AKAP12: variants seen among roughly 807,000 people sequenced by gnomAD.
AKAP12 encodes A-kinase anchor protein 12.
Under a neutral mutation model 79.9 loss-of-function variants are expected in AKAP12, and 32 were observed. That is an observed-to-expected ratio of 0.40 (90% CI 0.30 to 0.54). The LOEUF is 0.54. Ranked by LOEUF, AKAP12 falls within the 20% of genes least tolerant of loss-of-function variation. The pLI, the probability that AKAP12 is intolerant of heterozygous loss-of-function variation, is 0.48. For missense variants in AKAP12, 2,074 were observed against 2,177.0 expected (o/e 0.95, Z 0.94); for synonymous variants, 808 against 857.0 (o/e 0.94, Z 1.00).
At chr6:151,261,036 C>T (rs1182452587) in intron 2 of AKAP12, among the ~76,000 whole-genome samples, 1 of 151,994 alleles carries the variant, frequency 6.6e-6, no homozygotes, top group Non-Finnish European at 1.5e-5. Context: ...CCAGCATGCA[C>T]CTGTGCATTC....
chr6:151,273,927 A>G (rs1232222078), intron 2 of AKAP12, among the ~76,000 whole-genome samples: 1 of 152,006 alleles, frequency 6.6e-6, no homozygotes, highest in East Asian at 1.9e-4. Context: ...TACTCGGGAA[A>G]CTGAGGCAGG....
At chr6:151,333,404 A>G (rs530534535) in intron 3 of AKAP12, among the ~76,000 whole-genome samples, 38 of 152,228 alleles carry the variant, frequency 2.5e-4, no homozygotes, top group Non-Finnish European at 4.1e-4. Context: ...CGCTGTGTTC[A>G]CTAAGCTACA....
chr6:151,350,236 G>C lies in AKAP12; in HGVS notation c.1845G>C (p.Lys615Asn). Residue 615 changes from lysine (K) to asparagine (N), a missense_variant, in exon 4 of 5, where the codon AAG (lysine) becomes AAC (asparagine). Coordinates refer to ENST00000402676, the MANE Select transcript of AKAP12 (RefSeq NM_005100.4). The surrounding 1 kb of genome is among the most constrained non-coding windows in gnomAD (Gnocchi z 4.8). ...TCACTCCCTGGGCATCATTCAAAAA[G>C]ATGGTGACGCCCAAGAAGCGTGTTA... Reference protein sequence around the residue: ...EGVTPWASFKKMVTPKKRVRR... With the variant: ...EGVTPWASFKNMVTPKKRVRR... The C allele has an allele frequency of 2.5e-6, 4 of 1,614,080 alleles. No homozygotes were observed. Among genetic ancestry groups the C allele is most frequent in the Non-Finnish European group, 3.4e-6 (4 of 1,180,014 alleles).
At chr6:151,268,546 G>A (rs1156662576) in intron 2 of AKAP12, among the ~76,000 whole-genome samples, 1 of 152,222 alleles carries the variant, frequency 6.6e-6, no homozygotes, top group African/African-American at 2.4e-5. Context: ...TACAAGGGAA[G>A]ATAAGACTTC....
intron 2 of AKAP12, among the ~76,000 whole-genome samples, chr6:151,263,871 G>A (rs1392883993): frequency 1.3e-5 from 2 of 152,182 alleles, no homozygotes; most frequent in Admixed American, 1.3e-4. Context: ...GAGCCAACAC[G>A]CCCAGCTCTT....
At chr6:151,280,030 C>T (rs947877167) in intron 2 of AKAP12, among the ~76,000 whole-genome samples, 37 of 134,274 alleles carry the variant, frequency 2.8e-4, no homozygotes, top group Admixed American at 2.1e-3. Flanking sequence ...CATATCCTTT[C>T]GGTTGTTGTT....
At chr6:151,295,975 G>GT (rs1430618583) in intron 2 of AKAP12, among the ~76,000 whole-genome samples, 1 of 152,224 alleles carries the variant, frequency 6.6e-6, no homozygotes, top group African/African-American at 2.4e-5. Flanking sequence ...TCACCAAGCA[G>GT]TAAGGGAACT....
chr6:151,336,485 C>T (rs1055791532), intron 3 of AKAP12, among the ~76,000 whole-genome samples: 14 of 152,314 alleles, frequency 9.2e-5, no homozygotes, highest in African/African-American at 3.4e-4. Flanking sequence ...TGGCTCACAT[C>T]TATAATCCCA....
Position 151,352,725 on chromosome 6 carries a change from A to C in AKAP12, c.4334A>C (p.Glu1445Ala), listed in dbSNP as rs765173833. 1 of 1,614,220 alleles carries C rather than the reference A, an allele frequency of 6.2e-7. No individual in the cohort carries two copies. ...ANILETGETLEPAGAHLVLEE... is the reference protein window; with the variant it reads ...ANILETGETLAPAGAHLVLEE... ...ATTTTAGAAACAGGTGAAACGTTGGAGCCTGCAGGTGCACATTTAGTTCTG... is the reference window on the plus strand; with the variant it reads ...ATTTTAGAAACAGGTGAAACGTTGGCGCCTGCAGGTGCACATTTAGTTCTG... The change falls in exon 4 of 5, where the codon GAG becomes GCG. Residue 1445 changes from glutamate (E) to alanine (A), a missense_variant. Transcript: ENST00000402676.
rs542064767 is a variant in AKAP12, at chr6:151,268,111, C to T, written c.162+27387C>T. Among the ~76,000 whole-genome samples, 24 of 152,264 alleles carry T rather than the reference C, an allele frequency of 1.6e-4. 1 individual carries two copies. The highest frequency in any genetic ancestry group is 3.4e-3 in the Middle Eastern group (1 of 294). ...AACCCTCACGGGACCCACAAGTAAC[C>T]GTTATTAAAACAGTGTGACTGCTGG... On this transcript the variant is annotated intron_variant, in intron 2 of 4. Transcript: ENST00000402676.
chr6:151,268,945 GTTTTTTTTTTTTTT>G lies in AKAP12; in HGVS notation c.162+28242_162+28255del, dbSNP rs558502756. 4.9e-3 allele frequency among the ~76,000 whole-genome samples: 380 copies of G among 77,446 alleles called. 3 individuals carry two copies. Among genetic ancestry groups the G allele is most frequent in the African/African-American group, 9.8e-3 (193 of 19,730 alleles). The allele number at this position is 77,446 out of a possible 152,430, so 50.8% of individuals were successfully genotyped here. A position where few individuals can be genotyped will look rare whatever the true frequency, so the allele number is the denominator to read the frequency against. Reference sequence around the variant, plus strand: ...AGGCATGAGCCACCGTGCTCGGCCTGTTTTTTTTTTTTTTTTTTTTTTTTTTTTTTTTTTAATCA... The same window carrying G: ...AGGCATGAGCCACCGTGCTCGGCCTGTTTTTTTTTTTTTTTTTTTTAATCA... On this transcript the variant is annotated intron_variant, in intron 2 of 4. Transcript: ENST00000402676.
rs1001300104 is a variant in AKAP12, at chr6:151,311,490, T to C, written c.319+5587T>C. On this transcript the variant is annotated intron_variant, in intron 3 of 4. Coordinates refer to ENST00000402676, the MANE Select transcript of AKAP12 (RefSeq NM_005100.4). Reference sequence around the variant, plus strand: ...CCGGTGTGTGCACGTGGACCGCCACTGTGACACCAGCTGTGATCACACCCC... The same window carrying C: ...CCGGTGTGTGCACGTGGACCGCCACCGTGACACCAGCTGTGATCACACCCC... Among the ~76,000 whole-genome samples the C allele has an allele frequency of 2.0e-5, 3 of 152,156 alleles. No individual in the cohort carries two copies. The East Asian group carries it at 5.8e-4, about 29-fold the overall frequency.
rs753729302 is a variant in AKAP12 at position 151,241,964 on chromosome 6, T to TA, written c.162+1244dup. On this transcript the variant is annotated intron_variant, in intron 2 of 4. Transcript: ENST00000402676. ...CCAGTCTTTGATTCATAACTACTTG[T>TA]AAAATCCATGGTCCCTAGATATTAA... Among the ~76,000 whole-genome samples the TA allele has an allele frequency of 3.9e-5, 6 of 152,326 alleles. No individual in the cohort carries two copies. In the East Asian group the frequency reaches 1.2e-3, roughly 29 times the overall value.
intron 2 of AKAP12, among the ~76,000 whole-genome samples, chr6:151,275,206 T>C (rs1386827063): frequency 6.6e-6 from 1 of 152,134 alleles, no homozygotes; most frequent in African/African-American, 2.4e-5. Context: ...ACTGTTTCTG[T>C]TCCCCAGCAA....
rs1051076338 is a variant in AKAP12, at chr6:151,357,063, T to C, written c.*1349T>C. ...GGTTTCAAACAATAACAAATGTCTC[T>C]AGAAAGAAATTTTAAGAAAGCTTAA... On this transcript the variant is annotated 3_prime_UTR_variant, in exon 5 of 5. Coordinates refer to ENST00000402676, the MANE Select transcript of AKAP12 (RefSeq NM_005100.4). 6.6e-6 allele frequency: 1 copy of C among 152,262 alleles called. No individual in the cohort carries two copies. Among genetic ancestry groups the C allele is most frequent in the Admixed American group, 6.5e-5 (1 of 15,288 alleles). 9.4% of individuals were successfully genotyped at this position (152,262 alleles called of 1,614,324 possible). A position where few individuals can be genotyped will look rare whatever the true frequency, so the allele number is the denominator to read the frequency against.
chr6:151,330,486 G>A (rs1397535248), intron 3 of AKAP12, among the ~76,000 whole-genome samples: 1 of 152,134 alleles, frequency 6.6e-6, no homozygotes, highest in East Asian at 1.9e-4. Flanking sequence ...AAAAATTCCA[G>A]GACAATGCTA....
At chr6:151,347,883 A>G (rs2114820197) in intron 3 of AKAP12, among the ~76,000 whole-genome samples, 1 of 105,674 alleles carries the variant, frequency 9.5e-6, no homozygotes, top group African/African-American at 2.5e-5. Context: ...CTAAAAATAC[A>G]AAAATTGACT....
At chr6:151,344,290 T>C (rs959774015) in intron 3 of AKAP12, among the ~76,000 whole-genome samples, 2 of 152,204 alleles carry the variant, frequency 1.3e-5, no homozygotes, top group South Asian at 4.1e-4. Context: ...TCGAAGCTGT[T>C]ACAGATGGTG....
intron 2 of AKAP12, among the ~76,000 whole-genome samples, chr6:151,251,041 A>C (rs1388995488): frequency 2.0e-5 from 3 of 152,206 alleles, no homozygotes; most frequent in Non-Finnish European, 1.5e-5. Flanking sequence ...TTCAACAGCA[A>C]AGATTCCAAT....
Sources: allele counts gnomAD v4.1 joint callset (sites outside exome capture counted in the v4.1 genomes callset), GRCh38; gene constraint gnomAD v4.1.1; non-coding constraint Gnocchi (gnomAD v3.1); transcripts MANE v1.5; gene names NCBI Gene and HGNC (gene_info 2026-07-23, HGNC 2026-07-21).